Variants in ZNF705G observed in about 807,000 individuals in gnomAD.
ZNF705G encodes the protein putative zinc finger protein 705G.
Under a neutral mutation model 19.6 loss-of-function variants are expected in ZNF705G, and 23 were observed. That is an observed-to-expected ratio of 1.17 (90% CI 0.84 to 1.66). The LOEUF is 1.66. ZNF705G is among the 40% of genes most tolerant of loss of function. The probability of loss-of-function intolerance (pLI) is 0.00; values close to 1 mark genes in which losing one functional copy is unlikely to be tolerated. For missense variants in ZNF705G, 457 were observed against 354.4 expected, an observed-to-expected ratio of 1.29 and a Z score of -2.32; for synonymous variants, 146 against 117.7, an observed-to-expected ratio of 1.24 and a Z score of -1.56.
chr8:7,383,013 A>G (rs1420321519), intron 1 of ZNF705G, among the ~76,000 whole-genome samples: 1 of 148,392 alleles, frequency 6.7e-6, no homozygotes, highest in African/African-American at 2.6e-5. Context: ...GCTCCCACTT[A>G]TAAATGAGAG....
Position 7,385,542 on chromosome 8 carries a change from T to A in ZNF705G, c.-266A>T, listed in dbSNP as rs1807686810. On this transcript the variant is annotated 5_prime_UTR_variant, in exon 1 of 7. Coordinates refer to ENST00000400156, the MANE Select transcript of ZNF705G (RefSeq NM_001164457.3). ...CCCTCCACAGGCTGTGTGCTGTATG[T>A]CCCTTGGGACAAGGACACCTGAAAG... 1 of 147,750 alleles carries A rather than the reference T, an allele frequency of 6.8e-6. No homozygotes were observed. Among genetic ancestry groups the A allele is most frequent in the African/African-American group, 2.7e-5 (1 of 37,604 alleles). 9.2% of individuals were successfully genotyped at this position (147,750 alleles called of 1,614,324 possible).
chr8:7,382,133 C>T (rs1445899934), intron 1 of ZNF705G, among the ~76,000 whole-genome samples: 7 of 151,140 alleles, frequency 4.6e-5, no homozygotes, highest in Non-Finnish European at 8.8e-5. Flanking sequence ...GGTGATGCTT[C>T]TTCTCAAGAG....
intron 5 of ZNF705G, among the ~76,000 whole-genome samples, chr8:7,359,904 G>T (rs1168983391): frequency 6.7e-6 from 1 of 149,536 alleles, no homozygotes; most frequent in Non-Finnish European, 1.5e-5. Flanking sequence ...TGTGAAAAGA[G>T]TTAAAATGGA....
Position 7,357,726 on chromosome 8 carries a change from A to G in ZNF705G, c.*250T>C. On this transcript the variant is annotated 3_prime_UTR_variant, in exon 7 of 7. Coordinates refer to ENST00000400156, the MANE Select transcript of ZNF705G (RefSeq NM_001164457.3). ...CTGAAGTATCTTCCATGTTGATTACAGTATTTCTTCAAAATGTGAGTCCTT... is the reference window on the plus strand; with the variant it reads ...CTGAAGTATCTTCCATGTTGATTACGGTATTTCTTCAAAATGTGAGTCCTT... 1 of 673,710 alleles carries G rather than the reference A, an allele frequency of 1.5e-6. No individual in the cohort carries two copies. The highest frequency in any genetic ancestry group is 2.4e-6 in the Non-Finnish European group (1 of 417,736). 41.7% of individuals were successfully genotyped at this position (673,710 alleles called of 1,614,324 possible).
chr8:7,366,203 T>C (rs1323517524), intron 2 of ZNF705G, among the ~76,000 whole-genome samples: 1 of 94,530 alleles, frequency 1.1e-5, no homozygotes, highest in African/African-American at 4.1e-5. Flanking sequence ...ACACTATAAA[T>C]GGAAAATCCT....
chr8:7,363,767 G>A (rs1806715338), intron 2 of ZNF705G, among the ~76,000 whole-genome samples: 1 of 149,070 alleles, frequency 6.7e-6, no homozygotes, highest in Non-Finnish European at 1.5e-5. Context: ...ATTACAGTGA[G>A]CCGAGATCCC....
rs1161906154 is a variant in ZNF705G, at chr8:7,380,819, AG to A, written c.-72+632del. ...CAGATCACCCGAGGTCGGGAGTTCA[AG>A]ACCAGCCTGACCAACATGGAGAAAC... On this transcript the variant is annotated intron_variant, in intron 2 of 6. Coordinates refer to ENST00000400156, the MANE Select transcript of ZNF705G (RefSeq NM_001164457.3). Among the ~76,000 whole-genome samples, 57 of 144,788 alleles carry A rather than the reference AG, an allele frequency of 3.9e-4. 4 individuals are homozygous for A. Among genetic ancestry groups the A allele is most frequent in the African/African-American group, 1.1e-3 (39 of 34,900 alleles). The allele number at this position is 144,788 out of a possible 152,430, so 95.0% of individuals were successfully genotyped here.
At chr8:7,381,057 A>G (rs1298555487) in intron 2 of ZNF705G, among the ~76,000 whole-genome samples, 1 of 135,286 alleles carries the variant, frequency 7.4e-6, no homozygotes, top group East Asian at 2.0e-4. Context: ...AAAAAAACAC[A>G]ACACATCTTT....
chr8:7,357,819 C>T lies in ZNF705G; in HGVS notation c.*157G>A, dbSNP rs1378539880. 5.2e-5 allele frequency: 60 copies of T among 1,156,188 alleles called. 2 individuals are homozygous for T. The African/African-American group carries it at 1.1e-3, about 21-fold the overall frequency. The allele number at this position is 1,156,188 out of a possible 1,614,324, so 71.6% of individuals were successfully genotyped here. ...CATTCCTTACCTTTGTCATTCCTAACACCGTGTCATCTAAAGTCAGAATAT... is the reference window on the plus strand; with the variant it reads ...CATTCCTTACCTTTGTCATTCCTAATACCGTGTCATCTAAAGTCAGAATAT... On this transcript the variant is annotated 3_prime_UTR_variant, in exon 7 of 7. Coordinates refer to ENST00000400156, the MANE Select transcript of ZNF705G (RefSeq NM_001164457.3).
At chr8:7,359,487 A>AG in intron 6 of ZNF705G, 132 bp downstream of exon 6, 27 of 1,429,530 alleles carry the variant, frequency 1.9e-5, no homozygotes, top group Non-Finnish European at 2.3e-5. Flanking sequence ...CAAAGTATCC[A>AG]ATTTTTTTTT....
At chr8:7,366,704 A>G (rs564218354) in intron 2 of ZNF705G, among the ~76,000 whole-genome samples, 5 of 149,914 alleles carry the variant, frequency 3.3e-5, no homozygotes, top group African/African-American at 5.1e-5. Context: ...AATAAGGTAA[A>G]TGAATGAAAT....
Position 7,368,735 on chromosome 8 carries a change from T to G in ZNF705G, c.-71-5718A>C, listed in dbSNP as rs1160684683. 2.0e-5 allele frequency among the ~76,000 whole-genome samples: 3 copies of G among 149,652 alleles called. 1 individual carries two copies. Among genetic ancestry groups the G allele is most frequent in the African/African-American group, 7.7e-5 (3 of 39,034 alleles). On this transcript the variant is annotated intron_variant, in intron 2 of 6. Coordinates refer to ENST00000400156, the MANE Select transcript of ZNF705G (RefSeq NM_001164457.3). ...CTGGAGGCCTAGGAGGGAAGAATCA[T>G]TTTGTGAGCTGGGCCCAGTGCAAGC...
chr8:7,369,192 T>C (rs1465003654), intron 2 of ZNF705G, among the ~76,000 whole-genome samples: 2 of 149,274 alleles, frequency 1.3e-5, no homozygotes, highest in Non-Finnish European at 2.9e-5. Context: ...CCCCACAACA[T>C]GTGGGAATTA....
intron 3 of ZNF705G, among the ~76,000 whole-genome samples, chr8:7,362,034 C>T (rs1308997677): frequency 6.7e-6 from 1 of 149,574 alleles, no homozygotes; most frequent in Non-Finnish European, 1.5e-5. Flanking sequence ...CTGTTCTCAA[C>T]TTTCTCTCGG....
rs1806341544 is a variant in ZNF705G at position 7,357,770 on chromosome 8, C to A, written c.*206G>T. 2.3e-6 allele frequency: 2 copies of A among 863,550 alleles called. No homozygotes were observed. The highest frequency in any genetic ancestry group is 5.9e-5 in the Admixed American group (2 of 33,920). 53.5% of individuals were successfully genotyped at this position (863,550 alleles called of 1,614,324 possible). On this transcript the variant is annotated 3_prime_UTR_variant, in exon 7 of 7. Coordinates refer to ENST00000400156, the MANE Select transcript of ZNF705G (RefSeq NM_001164457.3). ...AGTCCTTTGGCATGTTTAGATGCTA[C>A]AACTACAGCTGAAGTCTCTTCCACA...
rs1227486283 is a variant in ZNF705G, at chr8:7,375,501, C to A, written c.-72+5951G>T. ...CTGTGATGAACATACAGATTTAGGT[C>A]TTTTTACAAGACTGATTTATTTTCC... On this transcript the variant is annotated intron_variant, in intron 2 of 6. Transcript: ENST00000400156. 2.2e-4 allele frequency among the ~76,000 whole-genome samples: 20 copies of A among 89,726 alleles called. 8 individuals carry two copies. The East Asian group carries it at 7.4e-3, about 33-fold the overall frequency. 58.9% of individuals were successfully genotyped at this position (89,726 alleles called of 152,430 possible). A position where few individuals can be genotyped will look rare whatever the true frequency, so the allele number is the denominator to read the frequency against.
At position 7,365,630 on chromosome 8, in the gene ZNF705G, A is replaced by G. The variant is rs189594056; in HGVS notation, c.-71-2613T>C. Among the ~76,000 whole-genome samples the G allele has an allele frequency of 1.7e-3, 259 of 149,418 alleles. 5 individuals are homozygous for G. Among genetic ancestry groups the G allele is most frequent in the Non-Finnish European group, 3.1e-3 (214 of 67,960 alleles). ...GGTGATCCGCCAGCCTCCGCCTCTC[A>G]AAGTATTGGGATTACAGGCGTGAGC... On this transcript the variant is annotated intron_variant, in intron 2 of 6. Coordinates refer to ENST00000400156, the MANE Select transcript of ZNF705G (RefSeq NM_001164457.3).
At chr8:7,384,006 A>C (rs1416791292) in intron 1 of ZNF705G, among the ~76,000 whole-genome samples, 198 of 139,366 alleles carry the variant, frequency 1.4e-3, no homozygotes, top group South Asian at 6.1e-3. Flanking sequence ...CTACATTAAT[A>C]ATCAGTATGT....
intron 2 of ZNF705G, among the ~76,000 whole-genome samples, chr8:7,370,061 G>T (rs1247708239): frequency 6.8e-6 from 1 of 147,870 alleles, no homozygotes; most frequent in Admixed American, 6.6e-5. Flanking sequence ...TTTAAAATGG[G>T]CAAAGATCTG....
Sources: allele counts gnomAD v4.1 joint callset (sites outside exome capture counted in the v4.1 genomes callset), GRCh38; gene constraint gnomAD v4.1.1; transcripts MANE v1.5; gene names NCBI Gene and HGNC (gene_info 2026-07-23, HGNC 2026-07-21).